Variants in SUPT3H observed in about 807,000 individuals in gnomAD.
The protein encoded by SUPT3H is transcription initiation protein SPT3 homolog.
In SUPT3H, 44 loss-of-function variants were observed where a neutral mutation model predicts 44.3. That is an observed-to-expected ratio of 0.99 (90% CI 0.78 to 1.28). SUPT3H has a LOEUF of 1.28. Ranked by LOEUF, SUPT3H falls within the 50% of genes most tolerant of loss-of-function variation. SUPT3H has a pLI of 0.00. For missense variants in SUPT3H, 380 were observed against 387.1 expected, an observed-to-expected ratio of 0.98 and a Z score of 0.15; for synonymous variants, 124 against 125.6, an observed-to-expected ratio of 0.99 and a Z score of 0.09.
At chr6:44,973,659 ATC>A (rs1308560714) in intron 6 of SUPT3H, among the ~76,000 whole-genome samples, 1 of 152,158 alleles carries the variant, frequency 6.6e-6, no homozygotes, top group African/African-American at 2.4e-5. Flanking sequence ...TCCTATATTA[ATC>A]TGTTTTCACA....
chr6:45,091,878 G>A (rs990324536), intron 3 of SUPT3H, among the ~76,000 whole-genome samples: 1 of 151,370 alleles, frequency 6.6e-6, no homozygotes, highest in Non-Finnish European at 1.5e-5. Context: ...TAAAATTTTT[G>A]GTCATTTTAC....
chr6:45,177,061 TG>T (rs1812079778), intron 2 of SUPT3H, among the ~76,000 whole-genome samples: 1 of 152,226 alleles, frequency 6.6e-6, no homozygotes, highest in African/African-American at 2.4e-5. Context: ...GGAACAAAGC[TG>T]GACGGAGAAT....
At chr6:45,353,841 G>A (rs1193540968) in intron 2 of SUPT3H, among the ~76,000 whole-genome samples, 6 of 150,738 alleles carry the variant, frequency 4.0e-5, no homozygotes, top group African/African-American at 1.2e-4. Context: ...GTGCTGGCGG[G>A]GAAAATAGGG....
chr6:45,293,463 C>T lies in SUPT3H; in HGVS notation c.101+71738G>A, dbSNP rs79190481. Reference sequence around the variant, plus strand: ...AAGAACAAACCAAACCCAAGCCTTGCAGAAGAAAGTAAATAACCAAGATCA... The same window carrying T: ...AAGAACAAACCAAACCCAAGCCTTGTAGAAGAAAGTAAATAACCAAGATCA... On this transcript the variant is annotated intron_variant, in intron 2 of 10. Transcript: ENST00000371459. 3.9e-3 allele frequency among the ~76,000 whole-genome samples: 592 copies of T among 151,548 alleles called. 7 individuals carry two copies. The highest frequency in any genetic ancestry group is 0.014 in the African/African-American group (564 of 41,286).
At chr6:45,181,885 AAATAAATAAATAAAT>A (rs1418701692) in intron 2 of SUPT3H, among the ~76,000 whole-genome samples, 1 of 151,076 alleles carries the variant, frequency 6.6e-6, no homozygotes, top group Non-Finnish European at 1.5e-5. Flanking sequence ...ATAAATAAAT[AAATAAATAAATAAAT>A]AATAAAACTA....
intron 10 of SUPT3H, among the ~76,000 whole-genome samples, chr6:44,901,070 G>A (rs926554220): frequency 1.3e-5 from 2 of 151,994 alleles, no homozygotes; most frequent in African/African-American, 4.8e-5. Context: ...CAAAGATGGG[G>A]GAAAAAACAG....
intron 10 of SUPT3H, among the ~76,000 whole-genome samples, chr6:44,885,160 C>G (rs1421264246): frequency 1.3e-5 from 2 of 152,210 alleles, no homozygotes; most frequent in African/African-American, 2.4e-5. Context: ...GACCTGCCTG[C>G]CTCTGTAGGC....
intron 10 of SUPT3H, among the ~76,000 whole-genome samples, chr6:44,850,580 T>C (rs894887119): frequency 5.9e-5 from 9 of 151,872 alleles, no homozygotes; most frequent in Admixed American, 5.9e-4. Context: ...AATGATCCAC[T>C]CACTCCAACT....
intron 2 of SUPT3H, among the ~76,000 whole-genome samples, chr6:45,202,601 AC>A (rs1762604218): frequency 2.6e-5 from 4 of 152,024 alleles, no homozygotes; most frequent in Non-Finnish European, 5.9e-5. Context: ...GTATCCATAA[AC>A]TTTTCCTAGT....
intron 11 of SUPT3H, among the ~76,000 whole-genome samples, chr6:44,815,993 C>T (rs1766883127): frequency 1.3e-5 from 2 of 151,996 alleles, no homozygotes; most frequent in South Asian, 4.1e-4. Flanking sequence ...ATAAGCAAAC[C>T]TTAGAAAACC....
chr6:45,062,803 G>C (rs917995085), intron 3 of SUPT3H, among the ~76,000 whole-genome samples: 1 of 152,086 alleles, frequency 6.6e-6, no homozygotes, highest in Admixed American at 6.5e-5. Flanking sequence ...CTGGCTTGGA[G>C]GGTCCTACGC....
At chr6:44,861,901 T>C (rs1425579114) in intron 10 of SUPT3H, among the ~76,000 whole-genome samples, 2 of 152,158 alleles carry the variant, frequency 1.3e-5, no homozygotes, top group Non-Finnish European at 2.9e-5. Context: ...TAAGCTAAAA[T>C]GTAAGATCTT....
chr6:45,072,399 T>C (rs1002133162), intron 3 of SUPT3H, among the ~76,000 whole-genome samples: 3 of 152,178 alleles, frequency 2.0e-5, no homozygotes, highest in African/African-American at 7.2e-5. Context: ...CTGTTATCAG[T>C]CTACAAGGTC....
At position 44,829,656 on chromosome 6, in the gene SUPT3H, G is replaced by C; in HGVS notation, c.*160C>G. 1.4e-6 allele frequency: 1 copy of C among 722,096 alleles called. No homozygotes were observed. The highest frequency in any genetic ancestry group is 2.4e-6 in the Non-Finnish European group (1 of 423,038). The allele number at this position is 722,096 out of a possible 1,614,324, so 44.7% of individuals were successfully genotyped here. On this transcript the variant is annotated 3_prime_UTR_variant, in exon 11 of 11. Coordinates refer to ENST00000371459, the MANE Select transcript of SUPT3H (RefSeq NM_003599.4). Reference sequence around the variant, plus strand: ...TAGTAAACAAGACCGATGGTTGAGGGGCTGGAAAAGAGGAGGAGTCAGCAA... The same window carrying C: ...TAGTAAACAAGACCGATGGTTGAGGCGCTGGAAAAGAGGAGGAGTCAGCAA...
At chr6:44,986,089 T>G (rs1222764465) in intron 6 of SUPT3H, among the ~76,000 whole-genome samples, 2 of 152,142 alleles carry the variant, frequency 1.3e-5, no homozygotes, top group African/African-American at 4.8e-5. Context: ...CAAGCAAAAG[T>G]AAAATATCTT....
At chr6:45,292,511 T>C (rs145403367) in intron 2 of SUPT3H, among the ~76,000 whole-genome samples, 1,865 of 152,106 alleles carry the variant, frequency 0.012, 11 homozygotes, top group Non-Finnish European at 0.02. Context: ...ATGGCCTAAA[T>C]GTTCCACTTA....
chr6:44,841,782 T>G (rs1453781690), intron 10 of SUPT3H, among the ~76,000 whole-genome samples: 1 of 152,244 alleles, frequency 6.6e-6, no homozygotes, highest in Non-Finnish European at 1.5e-5. Context: ...AACGCCTCTC[T>G]GGCCTACTTT....
At position 44,890,687 on chromosome 6, in the gene SUPT3H, A is replaced by C. The variant is rs1188999750; in HGVS notation, c.912+41966T>G. ...GACGAGTTAATGGGTGCAGCACACCAGCATGGCACATGTATGCATATGTAA... is the reference window on the plus strand; with the variant it reads ...GACGAGTTAATGGGTGCAGCACACCCGCATGGCACATGTATGCATATGTAA... On this transcript the variant is annotated intron_variant, in intron 10 of 10. Transcript: ENST00000371459. 2.0e-5 allele frequency among the ~76,000 whole-genome samples: 3 copies of C among 151,280 alleles called. No individual in the cohort carries two copies. The East Asian group carries it at 5.8e-4, about 29-fold the overall frequency.
At chr6:45,279,451 A>T (rs1374742990) in intron 2 of SUPT3H, among the ~76,000 whole-genome samples, 1 of 152,202 alleles carries the variant, frequency 6.6e-6, no homozygotes, top group Non-Finnish European at 1.5e-5. Context: ...TCATGGAGGC[A>T]GATCTCTCAT....
Sources: allele counts gnomAD v4.1 joint callset (sites outside exome capture counted in the v4.1 genomes callset), GRCh38; gene constraint gnomAD v4.1.1; transcripts MANE v1.5; gene names NCBI Gene and HGNC (gene_info 2026-07-23, HGNC 2026-07-21).